Variants in THSD7A observed in about 807,000 individuals in gnomAD.
The protein encoded by THSD7A is thrombospondin type 1 domain containing 7A.
A neutral mutation model predicts 231.3 loss-of-function variants in THSD7A; 96 were observed. The ratio of observed to expected loss-of-function variants is 0.41; its 90% CI spans 0.35 to 0.49. The LOEUF (loss-of-function observed/expected upper bound fraction) is 0.49, where lower values mean the gene tolerates loss of function less well. Ranked by LOEUF, THSD7A falls within the 20% of genes least tolerant of loss-of-function variation. The pLI is 0.05. For missense variants in THSD7A, 2,290 were observed against 2,070.2 expected (o/e 1.11, Z -2.06); for synonymous variants, 940 against 743.3 (o/e 1.26, Z -4.30).
intron 4 of THSD7A, among the ~76,000 whole-genome samples, chr7:11,573,788 C>G (rs1178892517): frequency 6.6e-6 from 1 of 152,056 alleles, no homozygotes; most frequent in African/African-American, 2.4e-5. Flanking sequence ...AGTCTGTAAT[C>G]GTATTTATTG....
chr7:11,685,408 C>CA (rs1007596788), intron 1 of THSD7A, among the ~76,000 whole-genome samples: 7 of 151,680 alleles, frequency 4.6e-5, no homozygotes, highest in Admixed American at 6.6e-5. Flanking sequence ...TTTTGCACAG[C>CA]AAAAAAACTG....
intron 13 of THSD7A, among the ~76,000 whole-genome samples, chr7:11,440,260 T>C (rs1444609441): frequency 6.6e-6 from 1 of 152,036 alleles, no homozygotes; most frequent in Non-Finnish European, 1.5e-5. Context: ...TATTAGTTCT[T>C]ATTGACAACG....
chr7:11,376,895 A>G (rs2115285050), intron 26 of THSD7A: 1 of 334,082 alleles, frequency 3.0e-6, no homozygotes, highest in East Asian at 4.6e-5. Flanking sequence ...TTGACTTCAG[A>G]TTTCAAGTTT....
intron 9 of THSD7A, among the ~76,000 whole-genome samples, chr7:11,465,175 C>T (rs1347678121): frequency 6.6e-6 from 1 of 152,128 alleles, no homozygotes; most frequent in Non-Finnish European, 1.5e-5. Flanking sequence ...GCTGAACGCA[C>T]AAACACATTT....
At chr7:11,674,075 G>T (rs770839221) in intron 1 of THSD7A, among the ~76,000 whole-genome samples, 1 of 152,020 alleles carries the variant, frequency 6.6e-6, no homozygotes, top group Admixed American at 6.5e-5. Flanking sequence ...GGTCACTCAG[G>T]AGTTGCAGGT....
intron 13 of THSD7A, among the ~76,000 whole-genome samples, chr7:11,443,453 A>G (rs548704753): frequency 3.4e-4 from 51 of 152,124 alleles, no homozygotes; most frequent in African/African-American, 1.1e-3. Context: ...CTCAAAGTAC[A>G]TGGATTATAA....
chr7:11,491,545 G>T (rs148679218), intron 6 of THSD7A, among the ~76,000 whole-genome samples: 1 of 152,058 alleles, frequency 6.6e-6, no homozygotes, highest in African/African-American at 2.4e-5. Context: ...ATGTTTTCTG[G>T]AAGTGCTATG....
intron 3 of THSD7A, among the ~76,000 whole-genome samples, chr7:11,592,028 G>T (rs1475371428): frequency 6.6e-6 from 1 of 152,126 alleles, no homozygotes. Flanking sequence ...AGAAGAAAAA[G>T]AATAAAGCAC....
At chr7:11,816,015 C>T (rs561078082) in intron 1 of THSD7A, among the ~76,000 whole-genome samples, 3 of 152,292 alleles carry the variant, frequency 2.0e-5, no homozygotes, top group African/African-American at 7.2e-5. Flanking sequence ...AACTGCTTAT[C>T]TTTCAAACTT....
chr7:11,539,654 A>G (rs1789059741), intron 6 of THSD7A, among the ~76,000 whole-genome samples: 1 of 152,324 alleles, frequency 6.6e-6, no homozygotes, highest in Middle Eastern at 3.4e-3. Flanking sequence ...AGTTTCACTT[A>G]ACAAAATGAA....
intron 13 of THSD7A, among the ~76,000 whole-genome samples, chr7:11,439,994 C>T (rs2128292917): frequency 6.6e-6 from 1 of 152,038 alleles, no homozygotes; most frequent in East Asian, 1.9e-4. Context: ...CAATGGCTGG[C>T]TTCAAAATTT....
chr7:11,515,541 ACTC>A (rs1331557984), intron 6 of THSD7A, among the ~76,000 whole-genome samples: 1 of 152,124 alleles, frequency 6.6e-6, no homozygotes, highest in Non-Finnish European at 1.5e-5. Context: ...TAAAAATTTA[ACTC>A]ATCATCTACT....
intron 4 of THSD7A, among the ~76,000 whole-genome samples, chr7:11,553,226 G>A (rs747705353): frequency 4.6e-5 from 7 of 152,092 alleles, no homozygotes; most frequent in Non-Finnish European, 7.4e-5. Context: ...TTGTCCCTAT[G>A]TATACATAAG....
At chr7:11,483,112 T>A (rs894875962) in intron 6 of THSD7A, among the ~76,000 whole-genome samples, 3 of 152,152 alleles carry the variant, frequency 2.0e-5, no homozygotes, top group African/African-American at 7.2e-5. Flanking sequence ...GGCATTCAGG[T>A]GAGAAAGGGT....
intron 2 of THSD7A, among the ~76,000 whole-genome samples, chr7:11,630,560 T>C (rs1781616252): frequency 6.6e-6 from 1 of 152,224 alleles, no homozygotes; most frequent in African/African-American, 2.4e-5. Context: ...ATCTAGAAGC[T>C]GGATAGTTCT....
chr7:11,778,796 C>A (rs1397263953), intron 1 of THSD7A, among the ~76,000 whole-genome samples: 3 of 152,008 alleles, frequency 2.0e-5, no homozygotes, highest in Admixed American at 1.3e-4. Context: ...GTCACATTGA[C>A]AATATATTCT....
rs1789225570 is a variant in THSD7A, at chr7:11,543,132, A to G, written c.1454-15T>C. On this transcript the variant is annotated splice_polypyrimidine_tract_variant and intron_variant, in intron 4 of 27. Coordinates refer to ENST00000423059, the MANE Select transcript of THSD7A (RefSeq NM_015204.3). Reference sequence around the variant, plus strand: ...TGGCTTTGAGGCTAGAGAAAAATACAGACACATATTAAAAAATGAACAAAA... The same window carrying G: ...TGGCTTTGAGGCTAGAGAAAAATACGGACACATATTAAAAAATGAACAAAA... 2 of 1,599,386 alleles carry G rather than the reference A, an allele frequency of 1.3e-6. No individual in the cohort carries two copies. Among genetic ancestry groups the G allele is most frequent in the East Asian group, 2.2e-5 (1 of 44,626 alleles).
intron 1 of THSD7A, among the ~76,000 whole-genome samples, chr7:11,744,130 C>G (rs889209706): frequency 2.0e-5 from 3 of 151,730 alleles, no homozygotes; most frequent in Non-Finnish European, 4.4e-5. Context: ...TTTTTCATAC[C>G]ATGTTGGATA....
intron 1 of THSD7A, among the ~76,000 whole-genome samples, chr7:11,819,251 A>G (rs536964614): frequency 4.8e-4 from 73 of 152,336 alleles, no homozygotes; most frequent in Non-Finnish European, 8.8e-4. Flanking sequence ...TGGAACAGCC[A>G]CTTTGGAAGG....
Sources: allele counts gnomAD v4.1 joint callset (sites outside exome capture counted in the v4.1 genomes callset), GRCh38; gene constraint gnomAD v4.1.1; transcripts MANE v1.5; gene names NCBI Gene and HGNC (gene_info 2026-07-23, HGNC 2026-07-21).